The following DMD variants were observed in gnomAD, a reference collection of about 807,000 sequenced individuals.
DMD encodes the protein dystrophin.
In DMD, 63 loss-of-function variants were observed where a neutral mutation model predicts 330.1. That is an observed-to-expected ratio of 0.19 (90% CI 0.16 to 0.24). The LOEUF (loss-of-function observed/expected upper bound fraction) is 0.24, where lower values mean the gene tolerates loss of function less well. Among genes scored for constraint, DMD ranks in the 10% least tolerant of loss-of-function variants. DMD has a pLI of 1.00. For synonymous variants in DMD, 1,223 were observed against 959.8 expected, an observed-to-expected ratio of 1.27 and a Z score of -5.07; for missense variants, 3,344 against 2,684.1, an observed-to-expected ratio of 1.25 and a Z score of -5.43.
At chrX:32,542,320 C>G (rs1006867224) in intron 17 of DMD, among the ~76,000 whole-genome samples, 1 of 111,521 alleles carries the variant, frequency 9.0e-6, no homozygotes, top group Non-Finnish European at 1.9e-5. Context: ...GTAATTCCAG[C>G]TACTCGGGAG....
chrX:32,482,542 T>C (rs111382647), intron 21 of DMD, among the ~76,000 whole-genome samples: 7 of 111,958 alleles, frequency 6.3e-5, no homozygotes, highest in African/African-American at 2.3e-4. Flanking sequence ...TTTCTTCATA[T>C]AGTCATCACT....
At chrX:32,721,286 A>G (rs1459944038) in intron 7 of DMD, among the ~76,000 whole-genome samples, 1 of 110,643 alleles carries the variant, frequency 9.0e-6, no homozygotes, top group Non-Finnish European at 1.9e-5. Context: ...ACTCCCAGAC[A>G]ATTTTCCATA....
chrX:31,927,241 T>C (rs1225799390), intron 47 of DMD, among the ~76,000 whole-genome samples: 1 of 112,080 alleles, frequency 8.9e-6, no homozygotes, highest in East Asian at 2.8e-4. Flanking sequence ...AGGAAACAGA[T>C]ATTATGGATG....
chrX:33,035,004 T>G (rs2094180980), intron 1 of DMD, among the ~76,000 whole-genome samples: 1 of 111,499 alleles, frequency 9.0e-6, no homozygotes, highest in South Asian at 3.8e-4. Flanking sequence ...CCTAAAATTG[T>G]GGGCAAAATT....
At chrX:32,120,773 T>C (rs1376480251) in intron 44 of DMD, among the ~76,000 whole-genome samples, 2 of 111,964 alleles carry the variant, frequency 1.8e-5, no homozygotes, top group Non-Finnish European at 1.9e-5. Flanking sequence ...TACTTGCAAT[T>C]GTATACTGAG....
chrX:32,163,367 C>T (rs961309046), intron 44 of DMD, among the ~76,000 whole-genome samples: 2 of 112,276 alleles, frequency 1.8e-5, no homozygotes, highest in African/African-American at 3.2e-5. Flanking sequence ...TTCTCCACTC[C>T]GTGGCTAGAA....
At chrX:31,566,226 G>A (rs1284816311) in intron 55 of DMD, among the ~76,000 whole-genome samples, 1 of 111,509 alleles carries the variant, frequency 9.0e-6, no homozygotes, top group African/African-American at 3.3e-5. Context: ...ATAGTTTTAT[G>A]TTTTACATTT....
chrX:32,570,522 TAACATA>T (rs1238311654), intron 15 of DMD, among the ~76,000 whole-genome samples: 17 of 112,219 alleles, frequency 1.5e-4, no homozygotes, highest in African/African-American at 5.2e-4. Flanking sequence ...ACAAAAATGT[TAACATA>T]GAGGCACATT....
chrX:32,121,634 T>C (rs2096636016), intron 44 of DMD, among the ~76,000 whole-genome samples: 1 of 64,677 alleles, frequency 1.5e-5, no homozygotes. Flanking sequence ...TATATATATA[T>C]ATATATATAT....
chrX:31,946,344 G>A (rs2095086919), intron 45 of DMD, among the ~76,000 whole-genome samples: 1 of 112,077 alleles, frequency 8.9e-6, no homozygotes, highest in Non-Finnish European at 1.9e-5. Flanking sequence ...TGTGGCTAAA[G>A]TTTAGAGAGA....
At chrX:32,296,042 A>G (rs1179281892) in intron 42 of DMD, among the ~76,000 whole-genome samples, 1 of 112,354 alleles carries the variant, frequency 8.9e-6, no homozygotes, top group Non-Finnish European at 1.9e-5. Context: ...ATATTTTTGT[A>G]CCTATAGCAA....
At chrX:32,619,119 C>G (rs1338922301) in intron 11 of DMD, among the ~76,000 whole-genome samples, 1 of 111,576 alleles carries the variant, frequency 9.0e-6, no homozygotes, top group Admixed American at 9.6e-5. Flanking sequence ...CAATGGAATA[C>G]TATTCAGCCA....
intron 6 of DMD, among the ~76,000 whole-genome samples, chrX:32,814,083 T>C (rs183895937): frequency 4.1e-4 from 46 of 111,621 alleles, no homozygotes; most frequent in African/African-American, 1.3e-3. Context: ...TAAGGTAAGT[T>C]AAGATTGGGG....
Position 32,917,411 on chromosome X carries a change from G to A in DMD, c.94-67591C>T, listed in dbSNP as rs143776289. 1.2e-3 allele frequency among the ~76,000 whole-genome samples: 130 copies of A among 111,677 alleles called. 2 individuals carry two copies. In the East Asian group the frequency reaches 0.03, roughly 26 times the overall value. On this transcript the variant is annotated intron_variant, in intron 2 of 78. Coordinates refer to ENST00000357033, the MANE Select transcript of DMD (RefSeq NM_004006.3). ...ATATCAAAAGCTACAAACTATTTTT[G>A]TTTGCTCATTTACTATATATCTTAG...
intron 11 of DMD, among the ~76,000 whole-genome samples, chrX:32,616,248 T>A (rs1602187774): frequency 9.0e-6 from 1 of 110,916 alleles, no homozygotes; most frequent in East Asian, 2.8e-4. Context: ...TCTTTCCCCC[T>A]CTTTTCACAC....
intron 67 of DMD, among the ~76,000 whole-genome samples, chrX:31,199,972 G>A: frequency 8.9e-6 from 1 of 111,777 alleles, no homozygotes; most frequent in South Asian, 3.7e-4. Flanking sequence ...ACAATGAAAG[G>A]CAAGGTGACC....
intron 60 of DMD, among the ~76,000 whole-genome samples, chrX:31,366,483 A>AT (rs1207845535): frequency 8.8e-4 from 88 of 100,399 alleles, no homozygotes; most frequent in African/African-American, 3.0e-3. Flanking sequence ...AAAAAAAAAA[A>AT]AAAAAAAAAA....
At chrX:31,814,203 C>A (rs764733728) in intron 50 of DMD, among the ~76,000 whole-genome samples, 145 of 110,087 alleles carry the variant, frequency 1.3e-3, no homozygotes, top group African/African-American at 4.7e-3. Flanking sequence ...AACTCTGGGC[C>A]GGGCGCGGTG....
intron 54 of DMD, among the ~76,000 whole-genome samples, chrX:31,638,713 C>A (rs1459264233): frequency 8.9e-6 from 1 of 112,352 alleles, no homozygotes; most frequent in Non-Finnish European, 1.9e-5. Flanking sequence ...GCAGGTATAT[C>A]TGTGTTGTTT....
Sources: allele counts gnomAD v4.1 joint callset (sites outside exome capture counted in the v4.1 genomes callset), GRCh38; gene constraint gnomAD v4.1.1; transcripts MANE v1.5; gene names NCBI Gene and HGNC (gene_info 2026-07-23, HGNC 2026-07-21).